ZNF26: variants seen among roughly 807,000 people sequenced by gnomAD.
ZNF26 encodes the protein zinc finger protein 26.
Under a neutral mutation model 54.9 loss-of-function variants are expected in ZNF26, and 32 were observed. The ratio of observed to expected loss-of-function variants is 0.58; its 90% CI spans 0.44 to 0.78. ZNF26 has a LOEUF of 0.78. ZNF26 is among the 30% of genes least tolerant of loss of function. The pLI is 0.00. For missense variants in ZNF26, 524 were observed against 634.0 expected, an observed-to-expected ratio of 0.83 and a Z score of 1.86; for synonymous variants, 221 against 209.2, an observed-to-expected ratio of 1.06 and a Z score of -0.49.
In ZNF26 at chr12:133,017,837, A is replaced by G. The variant is rs113149408; in HGVS notation, c.*6356A>G. ...ATCCTCACTAACATGGTGAAACCCC[A>G]TCTCTATTAAAAACACAAAAAATTA... On this transcript the variant is annotated 3_prime_UTR_variant, in exon 4 of 4. Transcript: ENST00000328654. 5,460 of 152,216 alleles carry G rather than the reference A, an allele frequency of 0.036. 180 individuals are homozygous for G. Among genetic ancestry groups the G allele is most frequent in the African/African-American group, 0.089 (3,694 of 41,500 alleles). The allele number at this position is 152,216 out of a possible 1,614,324, so 9.4% of individuals were successfully genotyped here.
At chr12:132,988,070 G>A (rs901518585) in intron 1 of ZNF26, among the ~76,000 whole-genome samples, 1 of 152,094 alleles carries the variant, frequency 6.6e-6, no homozygotes, top group East Asian at 1.9e-4. Context: ...GTGCAGTGGC[G>A]CGATCTCGGC....
At chr12:133,000,746 A>T (rs963489417) in intron 1 of ZNF26, among the ~76,000 whole-genome samples, 4 of 151,916 alleles carry the variant, frequency 2.6e-5, no homozygotes, top group Non-Finnish European at 4.4e-5. Flanking sequence ...TTTTAGTAGG[A>T]TAGGGTTTCA....
At position 133,023,568 on chromosome 12, in the gene ZNF26, G is replaced by A. The variant is rs1197355712; in HGVS notation, c.*12087G>A. 4 of 152,188 alleles carry A rather than the reference G, an allele frequency of 2.6e-5. No individual in the cohort carries two copies. The highest frequency in any genetic ancestry group is 9.7e-5 in the African/African-American group (4 of 41,444). 9.4% of individuals were successfully genotyped at this position (152,188 alleles called of 1,614,324 possible). The stretch of plus-strand genomic sequence containing the variant: ...TCTTTCGCCATACATTTGTATATGA[G>A]GTTGAACCATAGGAAATTACAATAA... On this transcript the variant is annotated 3_prime_UTR_variant, in exon 4 of 4. Transcript: ENST00000328654.
rs1953588333 is a variant in ZNF26 at position 133,017,925 on chromosome 12, C to CG, written c.*6444_*6445insG. On this transcript the variant is annotated 3_prime_UTR_variant, in exon 4 of 4. Coordinates refer to ENST00000328654, the MANE Select transcript of ZNF26 (RefSeq NM_019591.4). ...TCGGGAGGCTGAGGCAGGAGAATGG[C>CG]TTGAACCCAGGAGGCAGAGGTTGCA... 1 of 152,180 alleles carries CG rather than the reference C, an allele frequency of 6.6e-6. No homozygotes were observed. 9.4% of individuals were successfully genotyped at this position (152,180 alleles called of 1,614,324 possible).
At chr12:133,002,524 A>C (rs1953241152) in intron 1 of ZNF26, among the ~76,000 whole-genome samples, 1 of 151,902 alleles carries the variant, frequency 6.6e-6, no homozygotes, top group South Asian at 2.1e-4. Flanking sequence ...CCTAGGTATA[A>C]CCTCATCAGA....
Position 133,011,039 on chromosome 12 carries a change from C to T in ZNF26, c.1160C>T (p.Ala387Val), listed in dbSNP as rs1406486841. 15 of 1,613,416 alleles carry T rather than the reference C, an allele frequency of 9.3e-6. No individual in the cohort carries two copies. The highest frequency in any genetic ancestry group is 1.3e-5 in the Non-Finnish European group (15 of 1,179,864). Residue 387 changes from alanine to valine, a missense_variant, in exon 4 of 4, where the codon GCA (alanine) becomes GTA (valine). Ala to Val is a moderately conservative substitution (Grantham distance 64). Transcript: ENST00000328654. ...TTTGGTAGGAAGGAACAGCTCACTG[C>T]ACATCTGAGAGCTCATGCAGGAGAG... is the stretch of plus-strand genomic sequence containing the variant. ...KAFGRKEQLT[A>V]HLRAHAGEKP...
intron 1 of ZNF26, among the ~76,000 whole-genome samples, chr12:132,988,169 C>T (rs984988649): frequency 2.6e-5 from 4 of 151,212 alleles, no homozygotes; most frequent in Admixed American, 6.6e-5. Context: ...CCACCCAGTC[C>T]GGGTAATTTT....
chr12:132,987,704 A>G, intron 1 of ZNF26: 1 of 985,444 alleles, frequency 1.0e-6, no homozygotes, highest in Non-Finnish European at 1.2e-6. Context: ...GAAATACATA[A>G]AGACACCTTA....
intron 3 of ZNF26, among the ~76,000 whole-genome samples, chr12:133,009,519 G>T (rs1953421906): frequency 1.3e-5 from 2 of 151,986 alleles, no homozygotes; most frequent in Admixed American, 1.3e-4. Flanking sequence ...TTGAACCCAG[G>T]AGGTCGAGGC....
Position 133,010,173 on chromosome 12 carries a change from G to A in ZNF26, c.294G>A (p.Glu98=). Residue 98 remains glutamate, a synonymous_variant, in exon 4 of 4, where the codon GAG becomes GAA. Transcript: ENST00000328654. ...AATGGTACCAGAACAATCAAGATGA[G>A]CTTGAGAGTATTGAAAGAAGCTATG... The part of the protein sequence containing the change: ...WEEWYQNNQD[E]LESIERSYAC... The A allele has an allele frequency of 6.2e-7, 1 of 1,608,172 alleles. No homozygotes were observed. The highest frequency in any genetic ancestry group is 8.5e-7 in the Non-Finnish European group (1 of 1,178,624).
Position 133,000,692 on chromosome 12 carries a change from A to G in ZNF26, c.34-6350A>G, listed in dbSNP as rs1011506985. Among the ~76,000 whole-genome samples the G allele has an allele frequency of 5.2e-4, 79 of 151,776 alleles. No individual in the cohort carries two copies. In the East Asian group the frequency reaches 7.8e-3, roughly 15 times the overall value. On this transcript the variant is annotated intron_variant, in intron 1 of 3. Coordinates refer to ENST00000328654, the MANE Select transcript of ZNF26 (RefSeq NM_019591.4). ...GCCCACCTTGGCCTCCCAAAGTGCT[A>G]GGATTACAGGTGTGAGCCACTGTGC...
rs77349696 is a variant in ZNF26 at position 133,026,519 on chromosome 12, C to CTTT, written c.*15061_*15063dup. The CTTT allele has an allele frequency of 2.7e-3, 327 of 122,438 alleles. 13 individuals carry two copies. Among genetic ancestry groups the CTTT allele is most frequent in the African/African-American group, 0.012 (316 of 27,458 alleles). The allele number at this position is 122,438 out of a possible 1,614,324, so 7.6% of individuals were successfully genotyped here. ...AAAAGGACAACTTCATATAGTTCAACTTTTTTTTTTTTTTTTTTTTTTTTT... is the reference window on the plus strand; with the variant it reads ...AAAAGGACAACTTCATATAGTTCAACTTTTTTTTTTTTTTTTTTTTTTTTTTTT... On this transcript the variant is annotated 3_prime_UTR_variant, in exon 4 of 4. Coordinates refer to ENST00000328654, the MANE Select transcript of ZNF26 (RefSeq NM_019591.4).
At position 132,992,313 on chromosome 12, in the gene ZNF26, A is replaced by AT. The variant is rs1483818967; in HGVS notation, c.33+5449dup. Among the ~76,000 whole-genome samples the AT allele has an allele frequency of 6.2e-4, 52 of 83,842 alleles. No homozygotes were observed. In the East Asian group the frequency reaches 8.5e-3, roughly 14 times the overall value. The allele number at this position is 83,842 out of a possible 152,430, so 55.0% of individuals were successfully genotyped here. ...CAGGGTACAGAATTCTGTTTTGATGATTTTTTTTTCTCTAAACACCTTAAC... is the reference window on the plus strand; with the variant it reads ...CAGGGTACAGAATTCTGTTTTGATGATTTTTTTTTTCTCTAAACACCTTAAC... On this transcript the variant is annotated intron_variant, in intron 1 of 3. Transcript: ENST00000328654.
rs1953563555 is a variant in ZNF26 at position 133,016,144 on chromosome 12, C to G, written c.*4663C>G. 1 of 147,082 alleles carries G rather than the reference C, an allele frequency of 6.8e-6. No individual in the cohort carries two copies. The highest frequency in any genetic ancestry group is 2.0e-4 in the East Asian group (1 of 4,904). The allele number at this position is 147,082 out of a possible 1,614,324, so 9.1% of individuals were successfully genotyped here. The stretch of plus-strand genomic sequence containing the variant: ...CTGGAGTGCAGTGGCGTGATCTCGG[C>G]TCACTGCAACTTCCGCCTCTGGGGT... On this transcript the variant is annotated 3_prime_UTR_variant, in exon 4 of 4. Transcript: ENST00000328654.
chr12:132,989,276 T>G (rs1443777782), intron 1 of ZNF26, among the ~76,000 whole-genome samples: 1 of 152,104 alleles, frequency 6.6e-6, no homozygotes, highest in Non-Finnish European at 1.5e-5. Flanking sequence ...GACCTCGTGA[T>G]CAGCCCACCT....
At position 132,986,778 on chromosome 12, in the gene ZNF26, C is replaced by T. The variant is rs1437465663; in HGVS notation, c.-63C>T. On this transcript the variant is annotated 5_prime_UTR_variant, in exon 1 of 4. Coordinates refer to ENST00000328654, the MANE Select transcript of ZNF26 (RefSeq NM_019591.4). ...CCTGTCTTCGGGCGGACGCATCCCT[C>T]ACGGTCTCTCCGCAGCCCGCGGGTC... The T allele has an allele frequency of 2.6e-6, 4 of 1,550,522 alleles. No homozygotes were observed. In the East Asian group the frequency reaches 7.2e-5, roughly 28 times the overall value.
chr12:132,986,847 A>C lies in ZNF26; in HGVS notation c.7A>C (p.Thr3Pro). MATSFRTASCWGL... is the reference protein window; with the variant it reads MAPSFRTASCWGL... ...CGCGAACGTGGGCGTGGGGATGGCC[A>C]CCAGTTTCCGGACAGCTTCGTGCTG... Residue 3 changes from threonine to proline, a missense_variant, in exon 1 of 4, where the codon ACC becomes CCC. Transcript: ENST00000328654. The C allele has an allele frequency of 6.2e-7, 1 of 1,607,096 alleles. No individual in the cohort carries two copies. The highest frequency in any genetic ancestry group is 1.3e-5 in the African/African-American group (1 of 74,996).
At position 133,011,528 on chromosome 12, in the gene ZNF26, G is replaced by A. The variant is rs1016577097; in HGVS notation, c.*47G>A. 408 of 1,497,584 alleles carry A rather than the reference G, an allele frequency of 2.7e-4. 1 individual carries two copies. Among genetic ancestry groups the A allele is most frequent in the Non-Finnish European group, 3.2e-4 (359 of 1,125,664 alleles). The allele number at this position is 1,497,584 out of a possible 1,614,324, so 92.8% of individuals were successfully genotyped here. ...GAGAAACTGATGTTCAGGAGACTTC[G>A]GATAATATAGACAGGATTTACAAGC... On this transcript the variant is annotated 3_prime_UTR_variant, in exon 4 of 4. Transcript: ENST00000328654.
chr12:133,017,061 C>G lies in ZNF26; in HGVS notation c.*5580C>G, dbSNP rs1471998434. 1 of 151,760 alleles carries G rather than the reference C, an allele frequency of 6.6e-6. No individual in the cohort carries two copies. The highest frequency in any genetic ancestry group is 1.5e-5 in the Non-Finnish European group (1 of 67,970). The allele number at this position is 151,760 out of a possible 1,614,324, so 9.4% of individuals were successfully genotyped here. A position where few individuals can be genotyped will look rare whatever the true frequency, so the allele number is the denominator to read the frequency against. ...TCATTTTAAACAAAATATTTAATAC[C>G]AAGAAAGTTGGAAACATAAAAAAAT... On this transcript the variant is annotated 3_prime_UTR_variant, in exon 4 of 4. Coordinates refer to ENST00000328654, the MANE Select transcript of ZNF26 (RefSeq NM_019591.4).
Sources: gnomAD v4.1 joint callset for allele counts (sites outside exome capture counted in the v4.1 genomes callset) on GRCh38, gnomAD v4.1.1 for gene constraint, MANE v1.5 for transcripts, NCBI Gene and HGNC (gene_info 2026-07-23, HGNC 2026-07-21) for gene names.